GPM6A: variants seen among roughly 807,000 people sequenced by gnomAD.
GPM6A encodes the protein glycoprotein M6A.
Under a neutral mutation model 32.1 loss-of-function variants are expected in GPM6A, and 7 were observed. That is an observed-to-expected ratio of 0.22 (90% confidence interval 0.12 to 0.41). The LOEUF is 0.41. Ranked by LOEUF, GPM6A falls within the 10% of genes least tolerant of loss-of-function variation. The pLI, the probability that GPM6A is intolerant of heterozygous loss-of-function variation, is 1.00. For synonymous variants in GPM6A, 130 were observed against 123.4 expected, an observed-to-expected ratio of 1.05 and a Z score of -0.35; for missense variants, 235 against 347.2, an observed-to-expected ratio of 0.68 and a Z score of 2.57.
chr4:175,760,193 A>C (rs1048330075), intron 1 of GPM6A, among the ~76,000 whole-genome samples: 30 of 152,138 alleles, frequency 2.0e-4, no homozygotes, highest in Non-Finnish European at 1.3e-4. Context: ...ATAATAATAA[A>C]ATAATAAAAT....
intron 1 of GPM6A, among the ~76,000 whole-genome samples, chr4:175,873,163 T>C (rs993087712): frequency 1.6e-4 from 24 of 150,564 alleles, no homozygotes; most frequent in African/African-American, 5.6e-4. Context: ...TTTCTCAGTT[T>C]AATGAAGTAA....
intron 1 of GPM6A, among the ~76,000 whole-genome samples, chr4:175,847,274 C>G (rs901208040): frequency 6.6e-6 from 1 of 152,142 alleles, no homozygotes; most frequent in Non-Finnish European, 1.5e-5. Flanking sequence ...GCTCAGAGTA[C>G]AGTAATTTCA....
chr4:175,947,622 G>T (rs770648561), intron 1 of GPM6A: 3 of 152,148 alleles, frequency 2.0e-5, no homozygotes, highest in Non-Finnish European at 4.4e-5. Context: ...TACGTATTCT[G>T]CAAATGTTCT....
intron 3 of GPM6A, among the ~76,000 whole-genome samples, chr4:175,659,677 G>T (rs1560857462): frequency 6.6e-6 from 1 of 152,168 alleles, no homozygotes; most frequent in East Asian, 1.9e-4. Flanking sequence ...ATTATCCAGA[G>T]TTATTTTATT....
At chr4:175,975,425 T>C (rs1740629631) in intron 1 of GPM6A, among the ~76,000 whole-genome samples, 1 of 152,218 alleles carries the variant, frequency 6.6e-6, no homozygotes, top group Non-Finnish European at 1.5e-5. Flanking sequence ...ATCTGTGATA[T>C]AACTAACCAT....
At chr4:175,679,518 C>T (rs911187933) in intron 2 of GPM6A, among the ~76,000 whole-genome samples, 6 of 152,228 alleles carry the variant, frequency 3.9e-5, no homozygotes, top group East Asian at 1.9e-4. Flanking sequence ...ATCTTGCTCC[C>T]GGTCAAAACT....
chr4:175,683,837 T>A (rs1176966854), intron 2 of GPM6A, among the ~76,000 whole-genome samples: 1 of 145,098 alleles, frequency 6.9e-6, no homozygotes, highest in Non-Finnish European at 1.5e-5. Context: ...TACATATACT[T>A]TTTTTTTTTT....
intron 1 of GPM6A, among the ~76,000 whole-genome samples, chr4:175,732,071 A>C (rs1731459196): frequency 6.7e-6 from 1 of 149,390 alleles, no homozygotes; most frequent in African/African-American, 2.5e-5. Context: ...GGTTCAAGCG[A>C]TTCGCCTGCC....
At chr4:175,926,888 A>G (rs1484741306) in intron 1 of GPM6A, among the ~76,000 whole-genome samples, 1 of 152,236 alleles carries the variant, frequency 6.6e-6, no homozygotes. Context: ...TGCCTTAACC[A>G]TTCCTATATG....
chr4:175,962,298 A>G, intron 1 of GPM6A: 1 of 1,235,206 alleles, frequency 8.1e-7, no homozygotes, highest in Non-Finnish European at 1.2e-6. Context: ...ACCAGAAGTA[A>G]AAGTGAGTTT....
intron 1 of GPM6A, among the ~76,000 whole-genome samples, chr4:175,835,537 C>T (rs549937258): frequency 4.2e-4 from 63 of 151,020 alleles, no homozygotes; most frequent in Non-Finnish European, 6.6e-4. Flanking sequence ...CTAACCACCA[C>T]TATACTGCCA....
At chr4:175,827,094 CA>C (rs1735462726) in intron 1 of GPM6A, among the ~76,000 whole-genome samples, 1 of 152,150 alleles carries the variant, frequency 6.6e-6, no homozygotes, top group African/African-American at 2.4e-5. Flanking sequence ...AGCTATTTTA[CA>C]GACGAGGAAA....
At chr4:175,650,783 T>G (rs1011560351) in intron 4 of GPM6A, among the ~76,000 whole-genome samples, 1 of 152,304 alleles carries the variant, frequency 6.6e-6, no homozygotes, top group Middle Eastern at 3.4e-3. Flanking sequence ...ATACCCCATC[T>G]AAGTGAAATG....
rs1445605789 is a variant in GPM6A, at chr4:175,668,517, T to TTGTGTGTGTGTGTGTGTGTGTGTGTGTG, written c.387+5162_387+5163insCACACACACACACACACACACACACACA. Among the ~76,000 whole-genome samples, 5 of 22,832 alleles carry TTGTGTGTGTGTGTGTGTGTGTGTGTGTG rather than the reference T, an allele frequency of 2.2e-4. 1 individual carries two copies. Among genetic ancestry groups the TTGTGTGTGTGTGTGTGTGTGTGTGTGTG allele is most frequent in the East Asian group, 3.4e-3 (1 of 290 alleles). 15.0% of individuals were successfully genotyped at this position (22,832 alleles called of 152,430 possible). On this transcript the variant is annotated intron_variant, in intron 3 of 6. Transcript: ENST00000393658. Reference sequence around the variant, plus strand: ...TTCCCACAGTTTAGGATTCAAACGTTTATGTGTGTGTGTGTGTGTGTGTGT... The same window carrying TTGTGTGTGTGTGTGTGTGTGTGTGTGTG: ...TTCCCACAGTTTAGGATTCAAACGTTTGTGTGTGTGTGTGTGTGTGTGTGTGTGTATGTGTGTGTGTGTGTGTGTGTGT...
chr4:175,922,535 C>A (rs948303002), intron 1 of GPM6A, among the ~76,000 whole-genome samples: 2 of 152,168 alleles, frequency 1.3e-5, no homozygotes, highest in Non-Finnish European at 2.9e-5. Flanking sequence ...TCCAGACTTA[C>A]CTCTGCTCTG....
At chr4:175,926,987 T>G (rs999054608) in intron 1 of GPM6A, among the ~76,000 whole-genome samples, 3 of 152,262 alleles carry the variant, frequency 2.0e-5, no homozygotes, top group African/African-American at 7.2e-5. Context: ...ATGCTGTTAA[T>G]AAAATACTAT....
In GPM6A at chr4:175,644,079, A is replaced by G. The variant is rs529114517; in HGVS notation, c.542-3250T>C. On this transcript the variant is annotated intron_variant, in intron 4 of 6. Transcript: ENST00000393658. Reference sequence around the variant, plus strand: ...CAAGTCTCCCGCTTGGCCCTTTTCCAACTCTACTTTCTTTCATTCCTGCTC... The same window carrying G: ...CAAGTCTCCCGCTTGGCCCTTTTCCGACTCTACTTTCTTTCATTCCTGCTC... Among the ~76,000 whole-genome samples the G allele has an allele frequency of 4.8e-3, 724 of 151,154 alleles. 8 individuals are homozygous for G. The highest frequency in any genetic ancestry group is 0.017 in the African/African-American group (692 of 41,178).
At chr4:175,941,390 CT>C (rs1316641803) in intron 1 of GPM6A, among the ~76,000 whole-genome samples, 1 of 151,984 alleles carries the variant, frequency 6.6e-6, no homozygotes, top group Non-Finnish European at 1.5e-5. Flanking sequence ...AGCTTATTTT[CT>C]TTTTTAAAAA....
intron 1 of GPM6A, among the ~76,000 whole-genome samples, chr4:175,729,795 AT>A (rs1731336241): frequency 2.5e-5 from 2 of 80,510 alleles, no homozygotes; most frequent in East Asian, 3.5e-4. Context: ...TATATTATCT[AT>A]TATATTATAT....
Sources: allele counts gnomAD v4.1 joint callset (sites outside exome capture counted in the v4.1 genomes callset), GRCh38; gene constraint gnomAD v4.1.1; transcripts MANE v1.5; gene names NCBI Gene and HGNC (gene_info 2026-07-23, HGNC 2026-07-21).